The following MPDZ variants were observed in gnomAD, a reference collection of about 807,000 sequenced individuals.
MPDZ encodes multiple PDZ domain protein.
MPDZ carries 234 observed loss-of-function variants against 239.1 expected under a neutral mutation model. The observed-to-expected ratio is 0.98, with a 90% CI of 0.88 to 1.09. The LOEUF is 1.09. Among genes scored for constraint, MPDZ ranks in the 50% least tolerant of loss-of-function variants. The pLI is 0.00. For missense variants in MPDZ, 3,175 were observed against 2,510.0 expected, an observed-to-expected ratio of 1.26 and a Z score of -5.66; for synonymous variants, 1,048 against 881.3, an observed-to-expected ratio of 1.19 and a Z score of -3.35.
chr9:13,257,834 C>T (rs1969795979), intron 1 of MPDZ, among the ~76,000 whole-genome samples: 1 of 152,186 alleles, frequency 6.6e-6, no homozygotes, highest in Non-Finnish European at 1.5e-5. Flanking sequence ...TCCCATGCCA[C>T]ACTTGGGACA....
intron 12 of MPDZ, among the ~76,000 whole-genome samples, chr9:13,203,832 T>C (rs1956683346): frequency 6.6e-6 from 1 of 150,538 alleles, no homozygotes; most frequent in Non-Finnish European, 1.5e-5. Context: ...CAAAGCAAAA[T>C]AGATGGTTCT....
intron 21 of MPDZ, among the ~76,000 whole-genome samples, chr9:13,169,360 G>A (rs761778693): frequency 6.6e-6 from 1 of 151,454 alleles, no homozygotes; most frequent in South Asian, 2.1e-4. Context: ...CCCTTTTTTG[G>A]TAAATTGCAC....
intron 3 of MPDZ, among the ~76,000 whole-genome samples, chr9:13,236,919 A>T (rs2137087939): frequency 6.6e-6 from 1 of 152,120 alleles, no homozygotes; most frequent in African/African-American, 2.4e-5. Context: ...TTTTTCAAAT[A>T]CGTTTGATCT....
rs919824682 is a variant in MPDZ, at chr9:13,121,923, T to C, written c.5047A>G (p.Ile1683Val). The C allele has an allele frequency of 6.2e-7, 1 of 1,613,216 alleles. No homozygotes were observed. The highest frequency in any genetic ancestry group is 1.7e-5 in the Admixed American group (1 of 59,932). ...TCATGTGTGGCCTTTCTCAAGTCAA[T>C]TCCATTCACCTGTACAGAAATGGGA... ...AGDQILEVNG[I>V]DLRKATHDEA... The change falls in exon 38 of 47, where the codon ATT (isoleucine) becomes GTT (valine). Residue 1683 changes from isoleucine to valine, a missense_variant. Physicochemically the swap from Ile to Val is conservative, Grantham distance 29. Transcript: ENST00000319217.
chr9:13,245,689 A>G (rs1966436914), intron 3 of MPDZ, among the ~76,000 whole-genome samples: 1 of 152,214 alleles, frequency 6.6e-6, no homozygotes, highest in Admixed American at 6.5e-5. Context: ...TCAGTTGTCT[A>G]TCAACAAAAT....
chr9:13,230,434 A>G (rs1259013843), intron 3 of MPDZ, among the ~76,000 whole-genome samples: 3 of 152,180 alleles, frequency 2.0e-5, no homozygotes, highest in African/African-American at 7.2e-5. Context: ...AAGAAATACT[A>G]CTGAAAAATA....
chr9:13,172,074 C>A (rs756603535), intron 21 of MPDZ, among the ~76,000 whole-genome samples: 1 of 152,140 alleles, frequency 6.6e-6, no homozygotes, highest in Non-Finnish European at 1.5e-5. Flanking sequence ...GATTCCTTTA[C>A]ATTTAGTTAT....
At chr9:13,215,323 T>C (rs1033152853) in intron 10 of MPDZ, among the ~76,000 whole-genome samples, 3 of 151,706 alleles carry the variant, frequency 2.0e-5, no homozygotes, top group Non-Finnish European at 4.4e-5. Context: ...TAACATTCTA[T>C]TGGATATATA....
intron 30 of MPDZ, 150 bp from the exon 31 acceptor site, chr9:13,136,332 T>TC (rs1239360472): frequency 8.2e-6 from 4 of 486,652 alleles, no homozygotes; most frequent in Non-Finnish European, 6.8e-6. Context: ...TTTCTTTTTT[T>TC]TTTTTTTTTT....
rs1403466736 is a variant in MPDZ, at chr9:13,106,915, A to C, written c.*50T>G. 1 of 1,598,130 alleles carries C rather than the reference A, an allele frequency of 6.3e-7. No individual in the cohort carries two copies. Among genetic ancestry groups the C allele is most frequent in the Non-Finnish European group, 8.6e-7 (1 of 1,167,386 alleles). The stretch of plus-strand genomic sequence containing the variant: ...TTGTCAGGACCAGTGCATTCTCTTT[A>C]CAGTAGGAGGTGAGCTAGGGGTTGG... On this transcript the variant is annotated 3_prime_UTR_variant, in exon 47 of 47. Coordinates refer to ENST00000319217, the MANE Select transcript of MPDZ (RefSeq NM_001378778.1).
chr9:13,195,453 GA>G (rs1250656701), intron 13 of MPDZ, among the ~76,000 whole-genome samples: 1 of 152,052 alleles, frequency 6.6e-6, no homozygotes, highest in Non-Finnish European at 1.5e-5. Flanking sequence ...AATATTACAA[GA>G]AATATGAAAA....
chr9:13,236,278 T>A (rs866414105), intron 3 of MPDZ, among the ~76,000 whole-genome samples: 5,654 of 48,436 alleles, frequency 0.12, 1,194 homozygotes, highest in Non-Finnish European at 0.2. Context: ...TTTTTTTTTT[T>A]TTTTTTTTTT....
Position 13,221,180 on chromosome 9 carries a change from G to C in MPDZ, c.876+192C>G, listed in dbSNP as rs577119616. On this transcript the variant is annotated intron_variant, in intron 7 of 46. Transcript: ENST00000319217. Reference sequence around the variant, plus strand: ...TCTAAAACTATAACTTAAGATTACTGTCCCTTTTCAAAGGTATTCCTCCCC... The same window carrying C: ...TCTAAAACTATAACTTAAGATTACTCTCCCTTTTCAAAGGTATTCCTCCCC... 2.0e-5 allele frequency among the ~76,000 whole-genome samples: 3 copies of C among 152,020 alleles called. No homozygotes were observed. In the South Asian group the frequency reaches 6.2e-4, roughly 32 times the overall value.
In MPDZ at chr9:13,222,452, A is replaced by G. The variant is rs774726756; in HGVS notation, c.534-6T>C. The G allele has an allele frequency of 2.5e-6, 4 of 1,603,464 alleles. No homozygotes were observed. The African/African-American group carries it at 5.4e-5, about 22-fold the overall frequency. On this transcript the variant is annotated splice_region_variant and splice_polypyrimidine_tract_variant and intron_variant, in intron 5 of 46. Coordinates refer to ENST00000319217, the MANE Select transcript of MPDZ (RefSeq NM_001378778.1). The stretch of plus-strand genomic sequence containing the variant: ...TTTCTTTCAATCTTCCATCTCTATC[A>G]AGGATGCAAAAGGGGATAAAAGACA...
chr9:13,124,656 A>G (rs1944858342), intron 35 of MPDZ, among the ~76,000 whole-genome samples: 1 of 152,222 alleles, frequency 6.6e-6, no homozygotes, highest in Admixed American at 6.5e-5. Context: ...ATCCATTTCC[A>G]TTATGACAGG....
Position 13,109,036 on chromosome 9 carries a change from G to T in MPDZ, c.5966C>A (p.Thr1989Lys). The part of the protein sequence containing the change: ...DLGPPQCKSI[T>K]LERGPDGLGF... ...TAAGCCATCTGGTCCTCGCTCTAGT[G>T]TAATAGACTTACATTGAGGAGGTCT... Residue 1989 changes from threonine to lysine, a missense_variant, in exon 46 of 47, where the codon ACA (threonine) becomes AAA (lysine). Coordinates refer to ENST00000319217, the MANE Select transcript of MPDZ (RefSeq NM_001378778.1). 6.4e-7 allele frequency: 1 copy of T among 1,552,422 alleles called. No homozygotes were observed.
intron 22 of MPDZ, among the ~76,000 whole-genome samples, chr9:13,163,044 T>C (rs529216380): frequency 1.7e-4 from 26 of 152,266 alleles, no homozygotes; most frequent in African/African-American, 5.1e-4. Flanking sequence ...CCAATCATCA[T>C]GCAGAGAAGG....
intron 35 of MPDZ, 59 bp downstream of exon 35, chr9:13,125,157 C>G (rs988946646): frequency 5.5e-6 from 8 of 1,443,480 alleles, no homozygotes; most frequent in Non-Finnish European, 7.4e-6. Flanking sequence ...AAGCAGAAAC[C>G]CTCTGCTGAG....
chr9:13,273,227 C>T lies in MPDZ; in HGVS notation c.-58+6173G>A, dbSNP rs77460595. Among the ~76,000 whole-genome samples the T allele has an allele frequency of 3.6e-3, 552 of 152,118 alleles. 6 individuals are homozygous for T. Among genetic ancestry groups the T allele is most frequent in the African/African-American group, 0.013 (528 of 41,504 alleles). ...GTGTTTGATATTTTGTTATAGCACCCGAAATGAACTAAAACAGGGGCCTAG... is the reference window on the plus strand; with the variant it reads ...GTGTTTGATATTTTGTTATAGCACCTGAAATGAACTAAAACAGGGGCCTAG... On this transcript the variant is annotated intron_variant, in intron 1 of 46. Transcript: ENST00000319217.
Sources: gnomAD v4.1 joint callset for allele counts (sites outside exome capture counted in the v4.1 genomes callset) on GRCh38, gnomAD v4.1.1 for gene constraint, MANE v1.5 for transcripts, NCBI Gene and HGNC (gene_info 2026-07-23, HGNC 2026-07-21) for gene names.